SLC25A21: variants seen among roughly 807,000 people sequenced by gnomAD.
SLC25A21 encodes mitochondrial 2-oxodicarboxylate carrier.
In SLC25A21, 47 loss-of-function variants were observed where a neutral mutation model predicts 43.8. The ratio of observed to expected loss-of-function variants is 1.07; its 90% confidence interval spans 0.85 to 1.37. SLC25A21 has a LOEUF of 1.37. Ranked by LOEUF, SLC25A21 falls within the 40% of genes most tolerant of loss-of-function variation. The pLI, the probability that SLC25A21 is intolerant of heterozygous loss-of-function variation, is 0.00. For synonymous variants in SLC25A21, 131 were observed against 121.3 expected, an observed-to-expected ratio of 1.08 and a Z score of -0.52; for missense variants, 352 against 350.2, an observed-to-expected ratio of 1.00 and a Z score of -0.04.
intron 3 of SLC25A21, among the ~76,000 whole-genome samples, chr14:36,740,163 A>G (rs936331489): frequency 6.6e-6 from 1 of 152,228 alleles, no homozygotes; most frequent in African/African-American, 2.4e-5. Context: ...TAATTATATT[A>G]AAGATAATTG....
At chr14:36,874,715 A>G (rs1211253084) in intron 2 of SLC25A21, among the ~76,000 whole-genome samples, 1 of 152,242 alleles carries the variant, frequency 6.6e-6, no homozygotes, top group Non-Finnish European at 1.5e-5. Flanking sequence ...GCTACAAATC[A>G]TATCTTACGG....
intron 1 of SLC25A21, among the ~76,000 whole-genome samples, chr14:36,985,431 C>T (rs1256577874): frequency 1.3e-5 from 2 of 151,956 alleles, no homozygotes; most frequent in African/African-American, 4.8e-5. Context: ...GCAAAGAATC[C>T]AATCTGAGCT....
intron 1 of SLC25A21, among the ~76,000 whole-genome samples, chr14:37,088,389 TTAAC>T (rs1962524154): frequency 6.6e-6 from 1 of 152,206 alleles, no homozygotes; most frequent in Admixed American, 6.5e-5. Flanking sequence ...AAGCTGCTAA[TTAAC>T]TGGGCAGCAA....
chr14:37,135,930 G>A (rs933263854), intron 1 of SLC25A21, among the ~76,000 whole-genome samples: 4 of 152,048 alleles, frequency 2.6e-5, no homozygotes, highest in African/African-American at 9.7e-5. Flanking sequence ...CTCAATAAAT[G>A]GTATGTATTA....
At chr14:36,746,178 A>G (rs1318168968) in intron 3 of SLC25A21, among the ~76,000 whole-genome samples, 2 of 152,204 alleles carry the variant, frequency 1.3e-5, no homozygotes, top group Non-Finnish European at 2.9e-5. Flanking sequence ...CACTATTCCC[A>G]ATAGCAAAGT....
chr14:36,678,724 T>C lies in SLC25A21; in HGVS notation c.*1934A>G. On this transcript the variant is annotated 3_prime_UTR_variant, in exon 10 of 10. Transcript: ENST00000331299. ...TTCTTTATCTAAATTAAGAAATCTC[T>C]TGTTATTGTGCTATTTATAATTTTT... is the stretch of plus-strand genomic sequence containing the variant. The C allele has an allele frequency of 3.3e-6, 4 of 1,198,986 alleles. No homozygotes were observed. Among genetic ancestry groups the C allele is most frequent in the Non-Finnish European group, 4.2e-6 (4 of 961,848 alleles). The allele number at this position is 1,198,986 out of a possible 1,614,324, so 74.3% of individuals were successfully genotyped here. A position where few individuals can be genotyped will look rare whatever the true frequency, so the allele number is the denominator to read the frequency against.
intron 1 of SLC25A21, among the ~76,000 whole-genome samples, chr14:37,117,879 T>C (rs2138886221): frequency 6.6e-6 from 1 of 151,618 alleles, no homozygotes; most frequent in South Asian, 2.1e-4. Flanking sequence ...TTTTTTTTTT[T>C]TGTCATTTTG....
intron 7 of SLC25A21, among the ~76,000 whole-genome samples, chr14:36,687,857 GC>G (rs1882623223): frequency 1.3e-5 from 2 of 152,092 alleles, no homozygotes; most frequent in African/African-American, 4.8e-5. Context: ...TCTATTCTTT[GC>G]AGTAATATCA....
intron 3 of SLC25A21, among the ~76,000 whole-genome samples, chr14:36,794,068 T>C (rs2138406674): frequency 6.6e-6 from 1 of 152,138 alleles, no homozygotes; most frequent in South Asian, 2.1e-4. Flanking sequence ...AAATACATAG[T>C]TAACAGAGAT....
chr14:36,757,245 G>A (rs1466043760), intron 3 of SLC25A21, among the ~76,000 whole-genome samples: 1 of 152,094 alleles, frequency 6.6e-6, no homozygotes, highest in Non-Finnish European at 1.5e-5. Flanking sequence ...GTGACAGAGT[G>A]AGATCCTGTC....
At chr14:36,942,864 AAT>A (rs1892597926) in intron 1 of SLC25A21, among the ~76,000 whole-genome samples, 1 of 152,194 alleles carries the variant, frequency 6.6e-6, no homozygotes, top group South Asian at 2.1e-4. Flanking sequence ...TTCAAACTAA[AAT>A]ATTATGTGCA....
At chr14:37,041,311 A>G (rs1220364497) in intron 1 of SLC25A21, among the ~76,000 whole-genome samples, 1 of 152,142 alleles carries the variant, frequency 6.6e-6, no homozygotes, top group Non-Finnish European at 1.5e-5. Context: ...AAATATAATC[A>G]ATCTGTATCT....
intron 3 of SLC25A21, among the ~76,000 whole-genome samples, chr14:36,751,970 CATCTGACAAATAATTGAGTAT>C (rs34153528): frequency 0.15 from 22,256 of 152,210 alleles, 2,517 homozygotes; most frequent in African/African-American, 0.32. Context: ...TTCATGCATT[CATCTGACAAATAATTGAGTAT>C]CTGATATGTG....
At chr14:37,091,534 A>C (rs1962586548) in intron 1 of SLC25A21, among the ~76,000 whole-genome samples, 1 of 152,196 alleles carries the variant, frequency 6.6e-6, no homozygotes, top group African/African-American at 2.4e-5. Context: ...CATAGCACTA[A>C]ATAGACTGCA....
intron 1 of SLC25A21, among the ~76,000 whole-genome samples, chr14:36,968,145 G>A (rs1294880509): frequency 6.6e-6 from 1 of 152,206 alleles, no homozygotes; most frequent in Non-Finnish European, 1.5e-5. Flanking sequence ...GAGAGGGCCA[G>A]TGAGGAATAG....
intron 3 of SLC25A21, among the ~76,000 whole-genome samples, chr14:36,805,442 T>C (rs1888003949): frequency 6.6e-6 from 1 of 152,122 alleles, no homozygotes; most frequent in South Asian, 2.1e-4. Flanking sequence ...TCTGGGCCAT[T>C]GAAGCCCTGG....
rs906815118 is a variant in SLC25A21, at chr14:36,756,062, C to G, written c.204-21489G>C. Among the ~76,000 whole-genome samples, 8 of 152,272 alleles carry G rather than the reference C, an allele frequency of 5.3e-5. No homozygotes were observed. In the South Asian group the frequency reaches 1.7e-3, roughly 32 times the overall value. On this transcript the variant is annotated intron_variant, in intron 3 of 9. Transcript: ENST00000331299. ...AGCTTGATAGAATGCTGGGGTGGTG[C>G]CATCCCATAATAAAAGAGGTGGTTC... is the stretch of plus-strand genomic sequence containing the variant.
At chr14:36,949,257 C>T (rs774882897) in intron 1 of SLC25A21, among the ~76,000 whole-genome samples, 1 of 152,198 alleles carries the variant, frequency 6.6e-6, no homozygotes, top group Non-Finnish European at 1.5e-5. Flanking sequence ...AAGCTTTGAT[C>T]TTGACTTATA....
At chr14:36,778,976 C>T (rs1360284405) in intron 3 of SLC25A21, among the ~76,000 whole-genome samples, 2 of 151,848 alleles carry the variant, frequency 1.3e-5, no homozygotes, top group African/African-American at 4.8e-5. Flanking sequence ...CATTTATCCT[C>T]CCCCCAATAC....
Sources: allele counts gnomAD v4.1 joint callset (sites outside exome capture counted in the v4.1 genomes callset), GRCh38; gene constraint gnomAD v4.1.1; transcripts MANE v1.5; gene names NCBI Gene and HGNC (gene_info 2026-07-23, HGNC 2026-07-21).